ZC3H18: variants seen among roughly 807,000 people sequenced by gnomAD.
ZC3H18 encodes zinc finger CCCH domain-containing protein 18.
In ZC3H18, 8 loss-of-function variants were observed where a neutral mutation model predicts 106.1. The ratio of observed to expected loss-of-function variants is 0.08; its 90% confidence interval spans 0.04 to 0.14. The LOEUF is 0.14. ZC3H18 is among the 10% of genes least tolerant of loss of function. The pLI is 1.00. For missense variants in ZC3H18, 1,318 were observed against 1,278.4 expected (o/e 1.03, Z -0.47); for synonymous variants, 635 against 522.1 (o/e 1.22, Z -2.95).
Position 88,622,141 on chromosome 16 carries a change from G to A in ZC3H18, c.1476-56G>A, listed in dbSNP as rs187945775. ...GTCTCTCCCGCTGCTGTCACACCTG[G>A]CATTGCTGTGAAGCGGAAGGTGGCC... is the stretch of plus-strand genomic sequence containing the variant. On this transcript the variant is annotated intron_variant, in intron 8 of 17. Transcript: ENST00000301011. 3.0e-4 allele frequency: 472 copies of A among 1,549,172 alleles called. 1 individual carries two copies. The Middle Eastern group carries it at 4.7e-3, about 15-fold the overall frequency.
At chr16:88,572,155 A>C (rs1914446645) in intron 1 of ZC3H18, among the ~76,000 whole-genome samples, 2 of 152,236 alleles carry the variant, frequency 1.3e-5, no homozygotes, top group Admixed American at 6.5e-5. Flanking sequence ...AAGATTTGCC[A>C]CCACTAAGAA....
chr16:88,583,990 G>C (rs1915293413), intron 2 of ZC3H18, among the ~76,000 whole-genome samples: 1 of 151,982 alleles, frequency 6.6e-6, no homozygotes, highest in Non-Finnish European at 1.5e-5. Context: ...TTCAGCTCTG[G>C]GTCCCTGTCT....
rs760717963 is a variant in ZC3H18, at chr16:88,623,981, C to A, written c.1817C>A (p.Pro606Gln). ...RSRSRSFSSS[P>Q]SPSPTPSPHR... ...AGGTCCCGGTCCTTCTCTTCGTCCC[C>A]GTCCCCGTCCCCAACACCTTCCCCA... The change falls in exon 11 of 18, where the codon CCG becomes CAG. Residue 606 changes from proline (P) to glutamine (Q), a missense_variant. By Grantham distance (76) the Pro-to-Gln change is moderately conservative. Around this residue, in one of 6 missense-constraint regions of ZC3H18, gnomAD observed 848 missense variants for 821.7 expected, o/e 1.03. Coordinates refer to ENST00000301011, the MANE Select transcript of ZC3H18 (RefSeq NM_144604.4). 2 of 1,613,116 alleles carry A rather than the reference C, an allele frequency of 1.2e-6. No individual in the cohort carries two copies. The highest frequency in any genetic ancestry group is 1.7e-6 in the Non-Finnish European group (2 of 1,179,310).
chr16:88,598,419 A>C, intron 4 of ZC3H18, 93 bp downstream of exon 4: 2 of 1,523,656 alleles, frequency 1.3e-6, no homozygotes, highest in Admixed American at 4.2e-5. Context: ...GCCTTAGCAC[A>C]GGCTCAGTGC....
rs185043794 is a variant in ZC3H18, at chr16:88,623,072, C to T, written c.1668-147C>T. On this transcript the variant is annotated intron_variant, in intron 9 of 17. Coordinates refer to ENST00000301011, the MANE Select transcript of ZC3H18 (RefSeq NM_144604.4). The stretch of plus-strand genomic sequence containing the variant: ...GGGAGGCTGTATGCGTCTGTGCGCG[C>T]GTCTGCAGCTGTGCGCGCGTGCGCA... The T allele has an allele frequency of 7.1e-4, 821 of 1,157,200 alleles. 8 individuals carry two copies. Among genetic ancestry groups the T allele is most frequent in the Middle Eastern group, 3.8e-3 (13 of 3,426 alleles). 71.7% of individuals were successfully genotyped at this position (1,157,200 alleles called of 1,614,324 possible).
chr16:88,627,903 G>T lies in ZC3H18; in HGVS notation c.2270-17G>T. 6.2e-7 allele frequency: 1 copy of T among 1,613,738 alleles called. No individual in the cohort carries two copies. The highest frequency in any genetic ancestry group is 8.5e-7 in the Non-Finnish European group (1 of 1,180,032). ...AAATCACCAGTACCCCCATGACTGC[G>T]GATTTATCATTGGTAGGAAAATCTA... is the stretch of plus-strand genomic sequence containing the variant. On this transcript the variant is annotated splice_polypyrimidine_tract_variant and intron_variant, in intron 14 of 17. Coordinates refer to ENST00000301011, the MANE Select transcript of ZC3H18 (RefSeq NM_144604.4). This position sits in a 1 kb window ranked among gnomAD's most constrained non-coding sequence, Gnocchi z 4.5.
intron 3 of ZC3H18, among the ~76,000 whole-genome samples, chr16:88,590,970 A>AGTTTT (rs1567582746): frequency 7.8e-6 from 1 of 128,806 alleles, no homozygotes; most frequent in Non-Finnish European, 1.6e-5. Context: ...GTGGTGGAAT[A>AGTTTT]CTTTTTTTTT....
chr16:88,577,324 C>T lies in ZC3H18; in HGVS notation c.201C>T (p.Ser67=), dbSNP rs773651585. ...GPSQEEEDNH[S]DEEDRASEPK... ...GCCAGGAGGAGGAAGATAATCACTC[C>T]GACGAGGAGGACCGGGCAAGTGAGC... Residue 67 remains serine, a synonymous_variant, in exon 2 of 18, where the codon TCC becomes TCT. Transcript: ENST00000301011. The T allele has an allele frequency of 1.9e-5, 30 of 1,609,644 alleles. 1 individual carries two copies. In the South Asian group the frequency reaches 1.9e-4, roughly 10 times the overall value.
chr16:88,591,116 G>A (rs1195138244), intron 3 of ZC3H18, among the ~76,000 whole-genome samples: 6 of 151,950 alleles, frequency 3.9e-5, no homozygotes, highest in African/African-American at 1.2e-4. Context: ...AACTACAGGC[G>A]CCCGCCACCA....
In ZC3H18 at chr16:88,593,320, G is replaced by C. The variant is rs560225107; in HGVS notation, c.689-4858G>C. On this transcript the variant is annotated intron_variant, in intron 3 of 17. Transcript: ENST00000301011. The stretch of plus-strand genomic sequence containing the variant: ...ACCCCCAACGGTTGTTGGCCAAGAG[G>C]GCTGCTAAGTGACTAGTGGGCAGTT... Among the ~76,000 whole-genome samples, 258 of 152,308 alleles carry C rather than the reference G, an allele frequency of 1.7e-3. 3 individuals carry two copies. Among genetic ancestry groups the C allele is most frequent in the African/African-American group, 6.0e-3 (248 of 41,558 alleles).
At chr16:88,575,639 G>C (rs531804775) in intron 1 of ZC3H18, among the ~76,000 whole-genome samples, 1 of 152,158 alleles carries the variant, frequency 6.6e-6, no homozygotes, top group East Asian at 1.9e-4. Context: ...AGGGAAACTC[G>C]AAAATATTAA....
At chr16:88,595,161 A>G (rs1017386627) in intron 3 of ZC3H18, among the ~76,000 whole-genome samples, 8 of 152,216 alleles carry the variant, frequency 5.3e-5, no homozygotes, top group African/African-American at 1.7e-4. Context: ...CAAAAAAACA[A>G]AAACAAAACA....
chr16:88,573,962 C>T (rs1054949237), intron 1 of ZC3H18, among the ~76,000 whole-genome samples: 1 of 151,430 alleles, frequency 6.6e-6, no homozygotes, highest in African/African-American at 2.4e-5. Flanking sequence ...AACCTCCGCC[C>T]CCCCGAGTTC....
At chr16:88,630,694 T>A in intron 17 of ZC3H18, 113 bp downstream of exon 17, 1 of 794,746 alleles carries the variant, frequency 1.3e-6, no homozygotes, top group Non-Finnish European at 1.9e-6. Flanking sequence ...GAGGCGTCAC[T>A]ACAGCTCCTG....
In ZC3H18 at chr16:88,610,568, G is replaced by A. The variant is rs182417304; in HGVS notation, c.1207-700G>A. 2.2e-3 allele frequency among the ~76,000 whole-genome samples: 328 copies of A among 152,310 alleles called. 1 individual carries two copies. The highest frequency in any genetic ancestry group is 7.2e-3 in the African/African-American group (299 of 41,574). On this transcript the variant is annotated intron_variant, in intron 7 of 17. Transcript: ENST00000301011. ...CGAGGGAGGGGCAGCAGGGAGGCTC[G>A]GGGTGCACCCTGCATCTCCCCAACA...
rs1335967616 is a variant in ZC3H18 at position 88,599,428 on chromosome 16, G to A, written c.931-363G>A. Among the ~76,000 whole-genome samples, 5 of 152,180 alleles carry A rather than the reference G, an allele frequency of 3.3e-5. No individual in the cohort carries two copies. The East Asian group carries it at 5.8e-4, about 18-fold the overall frequency. Reference sequence around the variant, plus strand: ...CCTGCTGGGAAATGACGGACAAGATGTTCCTTCTCACTCCCTCGGCATGTC... The same window carrying A: ...CCTGCTGGGAAATGACGGACAAGATATTCCTTCTCACTCCCTCGGCATGTC... On this transcript the variant is annotated intron_variant, in intron 5 of 17. Coordinates refer to ENST00000301011, the MANE Select transcript of ZC3H18 (RefSeq NM_144604.4).
intron 1 of ZC3H18, among the ~76,000 whole-genome samples, chr16:88,574,437 G>C (rs1036314333): frequency 1.3e-5 from 2 of 151,804 alleles, no homozygotes; most frequent in African/African-American, 2.4e-5. Flanking sequence ...TTGAACTCCT[G>C]ACTTCGGATG....
At position 88,577,177 on chromosome 16, in the gene ZC3H18, G is replaced by C. The variant is rs760228480; in HGVS notation, c.54G>C (p.Glu18Asp). The C allele has an allele frequency of 3.8e-5, 61 of 1,604,960 alleles. No individual in the cohort carries two copies. Among genetic ancestry groups the C allele is most frequent in the Non-Finnish European group, 4.3e-5 (51 of 1,174,650 alleles). Reference sequence around the variant, plus strand: ...ATCCTCACTCTCCAGAGGATGAAGAGCAGCCACAGGGACTCTCGGACGATG... The same window carrying C: ...ATCCTCACTCTCCAGAGGATGAAGACCAGCCACAGGGACTCTCGGACGATG... ...ERDPHSPEDE[E>D]QPQGLSDDDI... is the part of the protein sequence containing the mutation. Residue 18 changes from glutamate (E) to aspartate (D), a missense_variant, in exon 2 of 18, where the codon GAG (glutamate) becomes GAC (aspartate). Transcript: ENST00000301011.
Position 88,631,506 on chromosome 16 carries a change from AC to A in ZC3H18, c.*208del, listed in dbSNP as rs1453321281. The A allele has an allele frequency of 2.6e-5, 18 of 681,028 alleles. No individual in the cohort carries two copies. Among genetic ancestry groups the A allele is most frequent in the Non-Finnish European group, 4.7e-5 (18 of 385,998 alleles). The allele number at this position is 681,028 out of a possible 1,614,324, so 42.2% of individuals were successfully genotyped here. A position where few individuals can be genotyped will look rare whatever the true frequency, so the allele number is the denominator to read the frequency against. ...CTCCCCAGAGCAGAAGTCCCGCAGG[AC>A]AGACAGACACAGACAGCGCTAGTGA... On this transcript the variant is annotated 3_prime_UTR_variant, in exon 18 of 18. Transcript: ENST00000301011.
Sources: gnomAD v4.1 joint callset for allele counts (sites outside exome capture counted in the v4.1 genomes callset) on GRCh38, gnomAD v4.1.1 for gene constraint, gnomAD v4.1.1 regional missense constraint, Gnocchi (gnomAD v3.1) non-coding constraint, MANE v1.5 for transcripts, NCBI Gene and HGNC (gene_info 2026-07-23, HGNC 2026-07-21) for gene names.